Variants in IL7 observed in about 807,000 individuals in gnomAD.
IL7 encodes the protein interleukin-7.
A neutral mutation model predicts 21.6 loss-of-function variants in IL7; 3 were observed. The ratio of observed to expected loss-of-function variants is 0.14; its 90% CI spans 0.06 to 0.36. The LOEUF (loss-of-function observed/expected upper bound fraction) is 0.36. IL7 is among the 10% of genes least tolerant of loss of function. The pLI, the probability that IL7 is intolerant of heterozygous loss-of-function variation, is 1.00. For synonymous variants in IL7, 62 were observed against 68.1 expected (o/e 0.91, Z 0.44); for missense variants, 175 against 200.2 (o/e 0.87, Z 0.76).
At chr8:78,802,495 A>T (rs1814102720) in intron 1 of IL7, among the ~76,000 whole-genome samples, 1 of 150,640 alleles carries the variant, frequency 6.6e-6, no homozygotes, top group Admixed American at 6.6e-5. Flanking sequence ...CAATGGTGCG[A>T]TCACGGCTCA....
At chr8:78,689,233 T>A (rs777730540) in intron 3 of IL7, 1 of 1,568,850 alleles carries the variant, frequency 6.4e-7, no homozygotes, top group East Asian at 2.3e-5. Flanking sequence ...TTATATTCAA[T>A]GTCCATATTG....
At chr8:78,748,028 A>G (rs944041146) in intron 2 of IL7, among the ~76,000 whole-genome samples, 4 of 152,216 alleles carry the variant, frequency 2.6e-5, no homozygotes, top group Admixed American at 2.6e-4. Flanking sequence ...CATGGCCTGT[A>G]TGTGGCTAGA....
intron 2 of IL7, among the ~76,000 whole-genome samples, chr8:78,775,372 G>T (rs762994223): frequency 6.6e-6 from 1 of 152,086 alleles, no homozygotes; most frequent in African/African-American, 2.4e-5. Context: ...GTGCAGAAAG[G>T]TTATTATGGA....
intron 1 of IL7, among the ~76,000 whole-genome samples, chr8:78,800,588 C>G (rs1487733206): frequency 6.6e-6 from 1 of 152,208 alleles, no homozygotes; most frequent in African/African-American, 2.4e-5. Flanking sequence ...GCTGTAATTA[C>G]AAGCCCGGCC....
At chr8:78,712,989 T>C (rs1407076691), downstream of IL7, among the ~76,000 whole-genome samples, 1 of 152,308 alleles carries the variant, frequency 6.6e-6, no homozygotes, top group East Asian at 1.9e-4. Flanking sequence ...TTTTAAGTAG[T>C]GATAAATCCT....
intron 1 of IL7, among the ~76,000 whole-genome samples, chr8:78,803,167 T>C (rs999520883): frequency 3.9e-5 from 6 of 152,184 alleles, no homozygotes; most frequent in African/African-American, 1.4e-4. Flanking sequence ...ATATTAGTTC[T>C]CTATTATTAT....
chr8:78,676,332 A>T (rs1809577818), intron 4 of IL7, among the ~76,000 whole-genome samples: 1 of 151,898 alleles, frequency 6.6e-6, no homozygotes, highest in Admixed American at 6.6e-5. Flanking sequence ...GCTCTTATTT[A>T]TGTTTGAGAT....
At chr8:78,718,613 T>A (rs1250904971) in intron 6 of IL7, 20 of 151,858 alleles carry the variant, frequency 1.3e-4, no homozygotes. Flanking sequence ...CACGTCACAT[T>A]AAGGACCCAC....
chr8:78,733,884 T>C (rs1488051339), intron 5 of IL7, 52 bp from the exon 6 acceptor site: 4 of 1,184,214 alleles, frequency 3.4e-6, no homozygotes, highest in East Asian at 2.9e-5. Flanking sequence ...CAAAAATATA[T>C]ATTTTAAAAT....
chr8:78,741,429 A>G (rs953437851), intron 2 of IL7, among the ~76,000 whole-genome samples: 2 of 152,196 alleles, frequency 1.3e-5, no homozygotes, highest in Admixed American at 6.5e-5. Context: ...AACATAGAGT[A>G]TTTAATTTTT....
intron 3 of IL7, among the ~76,000 whole-genome samples, chr8:78,691,950 G>C (rs568919457): frequency 6.6e-6 from 1 of 152,218 alleles, no homozygotes; most frequent in African/African-American, 2.4e-5. Flanking sequence ...GGTACAAAGT[G>C]ATACCATGAT....
Position 78,735,276 on chromosome 8 carries a change from C to CTTTTTTTTTTTTT in IL7, c.414+1185_414+1197dup. 4.3e-4 allele frequency among the ~76,000 whole-genome samples: 34 copies of CTTTTTTTTTTTTT among 78,418 alleles called. 1 individual carries two copies. Among genetic ancestry groups the CTTTTTTTTTTTTT allele is most frequent in the East Asian group, 1.1e-3 (3 of 2,722 alleles). 51.4% of individuals were successfully genotyped at this position (78,418 alleles called of 152,430 possible). On this transcript the variant is annotated intron_variant, in intron 5 of 5. Transcript: ENST00000263851. ...TGGGAAAATAGTTATCTTTTCTTTTCTTTTTTTTTTTTTTTTGTTTTTTTT... is the reference window on the plus strand; with the variant it reads ...TGGGAAAATAGTTATCTTTTCTTTTCTTTTTTTTTTTTTTTTTTTTTTTTTTTTTGTTTTTTTT...
At chr8:78,802,097 T>C (rs1305244719) in intron 1 of IL7, among the ~76,000 whole-genome samples, 2 of 152,222 alleles carry the variant, frequency 1.3e-5, no homozygotes, top group African/African-American at 4.8e-5. Context: ...TTGTTTTCAG[T>C]AGGGAATTTG....
intron 2 of IL7, among the ~76,000 whole-genome samples, chr8:78,771,914 C>CA (rs1812971142): frequency 6.6e-6 from 1 of 152,090 alleles, no homozygotes; most frequent in African/African-American, 2.4e-5. Context: ...AGCTTTAGTC[C>CA]TCTCTTAACT....
intron 3 of IL7, among the ~76,000 whole-genome samples, chr8:78,708,608 T>C (rs554887805): frequency 6.6e-6 from 1 of 152,194 alleles, no homozygotes; most frequent in Non-Finnish European, 1.5e-5. Context: ...TTAACAGATT[T>C]GTTTAAAAAA....
chr8:78,677,795 C>A (rs1256673856), intron 4 of IL7, among the ~76,000 whole-genome samples: 1 of 151,990 alleles, frequency 6.6e-6, no homozygotes, highest in Admixed American at 6.6e-5. Context: ...CAATTTAGGG[C>A]GAGTTCGCAG....
chr8:78,676,802 C>A (rs1366854752), intron 4 of IL7, among the ~76,000 whole-genome samples: 1 of 151,754 alleles, frequency 6.6e-6, no homozygotes, highest in Non-Finnish European at 1.5e-5. Context: ...GAGTGTTCAG[C>A]TGAATTTCAC....
In IL7 at chr8:78,804,914, A is replaced by T; in HGVS notation, c.9T>A (p.His3Gln). 6.2e-7 allele frequency: 1 copy of T among 1,612,996 alleles called. No homozygotes were observed. Among genetic ancestry groups the T allele is most frequent in the Non-Finnish European group, 8.5e-7 (1 of 1,179,314 alleles). MFHVSFRYIFGLP... is the reference protein window; with the variant it reads MFQVSFRYIFGLP... ...TGCGCAAGGGAGAAGAGCGCTTACC[A>T]TGGAACATGGTCTGCGGGAGGCGGG... Residue 3 changes from histidine (H) to glutamine (Q), a missense_variant and splice_region_variant, in exon 1 of 6, where the codon CAT becomes CAA. By Grantham distance (24) the His-to-Gln change is conservative. Coordinates refer to ENST00000263851, the MANE Select transcript of IL7 (RefSeq NM_000880.4).
rs112296706 is a variant in IL7, at chr8:78,763,787, G to A, written c.148-23705C>T. Among the ~76,000 whole-genome samples, 522 of 152,278 alleles carry A rather than the reference G, an allele frequency of 3.4e-3. 3 individuals are homozygous for A. The highest frequency in any genetic ancestry group is 0.012 in the African/African-American group (488 of 41,568). The stretch of plus-strand genomic sequence containing the variant: ...AATGCTCCACACTATCTGACAGTGT[G>A]TGTAAGCAGGAGCAGGAGGAATACT... On this transcript the variant is annotated intron_variant, in intron 2 of 5. Transcript: ENST00000263851.
Sources: allele counts gnomAD v4.1 joint callset (sites outside exome capture counted in the v4.1 genomes callset), GRCh38; gene constraint gnomAD v4.1.1; transcripts MANE v1.5; gene names NCBI Gene and HGNC (gene_info 2026-07-23, HGNC 2026-07-21).